CUBN: variants seen among roughly 807,000 people sequenced by gnomAD.
The protein encoded by CUBN is 460 kDa receptor.
CUBN carries 282 observed loss-of-function variants against 405.3 expected under a neutral mutation model. The ratio of observed to expected loss-of-function variants is 0.70; its 90% confidence interval spans 0.63 to 0.77. CUBN has a LOEUF of 0.77. Among genes scored for constraint, CUBN ranks in the 30% least tolerant of loss-of-function variants. CUBN has a pLI of 0.00. For missense variants in CUBN, 4,514 were observed against 4,475.2 expected (o/e 1.01, Z -0.25); for synonymous variants, 1,684 against 1,617.0 (o/e 1.04, Z -0.99).
chr10:16,923,355 G>C (rs764145574), intron 43 of CUBN, among the ~76,000 whole-genome samples: 52 of 152,066 alleles, frequency 3.4e-4, no homozygotes, highest in Non-Finnish European at 6.6e-4. Context: ...GGAGAAAAAT[G>C]GTATAAAACT....
At chr10:16,912,103 A>G (rs1396414664) in intron 48 of CUBN, among the ~76,000 whole-genome samples, 1 of 152,188 alleles carries the variant, frequency 6.6e-6, no homozygotes, top group African/African-American at 2.4e-5. Context: ...AAGAAAACAC[A>G]CTTGGTTTCT....
chr10:17,003,973 G>A (rs1212814579), intron 28 of CUBN, among the ~76,000 whole-genome samples: 1 of 152,150 alleles, frequency 6.6e-6, no homozygotes, highest in African/African-American at 2.4e-5. Flanking sequence ...CACTAGTCTA[G>A]CTGGCTTTGA....
At position 16,829,342 on chromosome 10, in the gene CUBN, GA is replaced by G. The variant is rs71287326; in HGVS notation, c.10529-303del. Among the ~76,000 whole-genome samples, 5,222 of 121,116 alleles carry G rather than the reference GA, an allele frequency of 0.043. 314 individuals carry two copies. The highest frequency in any genetic ancestry group is 0.15 in the African/African-American group (4,792 of 32,644). 79.5% of individuals were successfully genotyped at this position (121,116 alleles called of 152,430 possible). On this transcript the variant is annotated intron_variant, in intron 65 of 66. Transcript: ENST00000377833. ...AAAATTGGGGGTTGAGAGCAGAATG[GA>G]AAAAAAAAAAAAAAACAAACTTGAT...
At position 16,928,774 on chromosome 10, in the gene CUBN, G is replaced by A. The variant is rs567506897; in HGVS notation, c.6125-471C>T. ...TTGAACTCCTCATCTCAAGTGATCC[G>A]CCCTCCTCAGCCTCCCAAAGTGCTG... On this transcript the variant is annotated intron_variant, in intron 40 of 66. Coordinates refer to ENST00000377833, the MANE Select transcript of CUBN (RefSeq NM_001081.4). Among the ~76,000 whole-genome samples the A allele has an allele frequency of 5.3e-5, 8 of 151,818 alleles. No homozygotes were observed. The South Asian group carries it at 8.3e-4, about 16-fold the overall frequency.
chr10:16,879,321 G>A (rs1055766689), intron 56 of CUBN, among the ~76,000 whole-genome samples: 5 of 152,294 alleles, frequency 3.3e-5, no homozygotes, highest in Admixed American at 6.5e-5. Context: ...GATTAACAAT[G>A]TGAAATATTT....
In CUBN at chr10:16,913,939, G is replaced by T. The variant is rs747337650; in HGVS notation, c.7405C>A (p.Pro2469Thr). The T allele has an allele frequency of 3.7e-6, 6 of 1,614,080 alleles. No homozygotes were observed. The highest frequency in any genetic ancestry group is 4.2e-6 in the Non-Finnish European group (5 of 1,180,016). Reference sequence around the variant, plus strand: ...ATCCGGCCATGAGGATTTGGGTTCGGGTAGTTGGGAGAAGTAAATGTTCCA... The same window carrying T: ...ATCCGGCCATGAGGATTTGGGTTCGTGTAGTTGGGAGAAGTAAATGTTCCA... ...SIGTFTSPNY[P>T]NPNPHGRICE... The change falls in exon 48 of 67, where the codon CCG becomes ACG. Residue 2469 changes from proline (P) to threonine (T), a missense_variant. Pro to Thr is a conservative substitution (Grantham distance 38). This residue lies in a region of CUBN where 1,613 missense variants were observed against 1,542.8 expected (regional missense o/e 1.05). Transcript: ENST00000377833.
chr10:17,084,545 C>CA, intron 16 of CUBN, 84 bp from the exon 17 acceptor site: 2 of 1,022,228 alleles, frequency 2.0e-6, no homozygotes, highest in Non-Finnish European at 3.0e-6. Flanking sequence ...TAAAAATTTA[C>CA]CCACACACAC....
intron 28 of CUBN, among the ~76,000 whole-genome samples, chr10:17,009,100 G>A (rs1488237715): frequency 6.6e-6 from 1 of 152,172 alleles, no homozygotes; most frequent in Non-Finnish European, 1.5e-5. Context: ...CTGTGGCATT[G>A]CATACCTGTA....
intron 60 of CUBN, among the ~76,000 whole-genome samples, chr10:16,850,675 G>C (rs1009711222): frequency 2.0e-5 from 3 of 152,096 alleles, no homozygotes; most frequent in African/African-American, 7.2e-5. Context: ...GTTTCACCAT[G>C]TTGGCCAGGC....
At chr10:16,979,221 T>C (rs3012497) in intron 31 of CUBN, among the ~76,000 whole-genome samples, 132,141 of 152,024 alleles carry the variant, frequency 0.87, 58,232 homozygotes, top group Non-Finnish European at 0.96. Flanking sequence ...AAACATTCCA[T>C]GCTCGTGGAT....
intron 32 of CUBN, among the ~76,000 whole-genome samples, chr10:16,953,038 G>A (rs906851748): frequency 1.3e-5 from 2 of 152,172 alleles, no homozygotes; most frequent in Non-Finnish European, 2.9e-5. Flanking sequence ...AGGTCAGGGT[G>A]GGTTCTGGGG....
rs552669352 is a variant in CUBN, at chr10:16,891,112, T to C, written c.8599-585A>G. Among the ~76,000 whole-genome samples the C allele has an allele frequency of 2.6e-5, 4 of 152,338 alleles. No homozygotes were observed. The East Asian group carries it at 7.7e-4, about 29-fold the overall frequency. The stretch of plus-strand genomic sequence containing the variant: ...TGTGTGCTATTCACCAAAAATTTGG[T>C]TGGCAACTCCCAAGTAGACCTGGGC... On this transcript the variant is annotated intron_variant, in intron 54 of 66. Transcript: ENST00000377833.
rs1234993426 is a variant in CUBN, at chr10:17,088,339, C to T, written c.1772G>A (p.Gly591Glu). The T allele has an allele frequency of 1.9e-6, 3 of 1,609,270 alleles. No homozygotes were observed. The South Asian group carries it at 3.3e-5, about 18-fold the overall frequency. The change falls in exon 15 of 67, where the codon GGA becomes GAA. Residue 591 changes from glycine (G) to glutamate (E), a missense_variant. Physicochemically the swap from Gly to Glu is moderately conservative, Grantham distance 98. Coordinates refer to ENST00000377833, the MANE Select transcript of CUBN (RefSeq NM_001081.4). ...VRWETQQPEC[G>E]GILTGPYGSI... ...ACCGTAAGGACCAGTCAGGATACCT[C>T]CACACTCTAAAATAAGAGGGAAAAA...
chr10:16,932,182 G>A (rs1842381776), intron 40 of CUBN, among the ~76,000 whole-genome samples: 1 of 152,204 alleles, frequency 6.6e-6, no homozygotes, highest in African/African-American at 2.4e-5. Context: ...GGGACATAAA[G>A]CACCTTCACC....
chr10:17,024,246 T>A (rs1216700070), intron 27 of CUBN, among the ~76,000 whole-genome samples: 3 of 152,108 alleles, frequency 2.0e-5, no homozygotes, highest in African/African-American at 7.2e-5. Flanking sequence ...GAGATCCAAT[T>A]TTTTTGTAAG....
In CUBN at chr10:16,828,842, T is replaced by A. The variant is rs757884282; in HGVS notation, c.10727A>T (p.Asn3576Ile). Residue 3576 changes from asparagine to isoleucine, a missense_variant, in exon 66 of 67, where the codon AAC becomes ATC. Asn to Ile is a moderately radical substitution (Grantham distance 149). This residue lies in a region of CUBN where 1,186 missense variants were observed against 1,186.9 expected (regional missense o/e 1.00). Coordinates refer to ENST00000377833, the MANE Select transcript of CUBN (RefSeq NM_001081.4). ...TGGTCCAGAGGATGGAGAGCTGGCGTTGGGCCCATCATAGAGTGTGAGATA... is the reference window on the plus strand; with the variant it reads ...TGGTCCAGAGGATGGAGAGCTGGCGATGGGCCCATCATAGAGTGTGAGATA... ...QNYLTLYDGP[N>I]ASSPSSGPYC... The A allele has an allele frequency of 6.2e-7, 1 of 1,613,972 alleles. No individual in the cohort carries two copies. The highest frequency in any genetic ancestry group is 1.7e-5 in the Admixed American group (1 of 60,026).
chr10:17,025,234 T>G (rs1383738312), intron 27 of CUBN, among the ~76,000 whole-genome samples: 3 of 152,216 alleles, frequency 2.0e-5, no homozygotes, highest in Non-Finnish European at 4.4e-5. Context: ...GTTCAATTTT[T>G]GAGAACTATA....
chr10:16,993,646 A>C (rs1459887446), intron 28 of CUBN, among the ~76,000 whole-genome samples: 10 of 151,924 alleles, frequency 6.6e-5, no homozygotes, highest in Admixed American at 6.6e-5. Flanking sequence ...ATGCTTCTTA[A>C]AGAAAAATTT....
At chr10:17,094,629 G>A (rs1281732542) in intron 14 of CUBN, among the ~76,000 whole-genome samples, 1 of 151,604 alleles carries the variant, frequency 6.6e-6, no homozygotes, top group Admixed American at 6.6e-5. Flanking sequence ...TGTACAAAAA[G>A]GAAATTAAGA....
Sources: allele counts gnomAD v4.1 joint callset (sites outside exome capture counted in the v4.1 genomes callset), GRCh38; gene constraint gnomAD v4.1.1; regional missense constraint gnomAD v4.1.1; transcripts MANE v1.5; gene names NCBI Gene and HGNC (gene_info 2026-07-23, HGNC 2026-07-21).